INSL6: variants seen among roughly 807,000 people sequenced by gnomAD.
INSL6 encodes insulin like 6.
Under a neutral mutation model 9.4 loss-of-function variants are expected in INSL6, and 16 were observed. The ratio of observed to expected loss-of-function variants is 1.70; its 90% CI spans 1.15 to 2.59. The LOEUF (loss-of-function observed/expected upper bound fraction) is 2.59. Ranked by LOEUF, INSL6 falls within the 30% of genes most tolerant of loss-of-function variation. The pLI is 0.00. For missense variants in INSL6, 391 were observed against 257.3 expected, an observed-to-expected ratio of 1.52 and a Z score of -3.56; for synonymous variants, 154 against 96.9, an observed-to-expected ratio of 1.59 and a Z score of -3.46.
chr9:4,992,876 T>G, the INSL6 span, among the ~76,000 whole-genome samples: 1 of 152,228 alleles, frequency 6.6e-6, no homozygotes, highest in Non-Finnish European at 1.5e-5. Context: ...TGATTAGGTC[T>G]CAGTCCTGCT....
intron 1 of INSL6, among the ~76,000 whole-genome samples, chr9:5,173,208 G>C (rs924099124): frequency 6.6e-6 from 1 of 152,164 alleles, no homozygotes; most frequent in African/African-American, 2.4e-5. Context: ...AGACAGTGTG[G>C]TGATTCCTCA....
chr9:5,021,966 A>G, the INSL6 span: 4 of 1,565,308 alleles, frequency 2.6e-6, no homozygotes, highest in Non-Finnish European at 1.8e-6. Flanking sequence ...CTTACAGGCA[A>G]ATGTTCTGAA....
chr9:5,153,687 CAGAG>C (rs932064970), intron 2 of INSL6, among the ~76,000 whole-genome samples: 52 of 152,230 alleles, frequency 3.4e-4, no homozygotes, highest in African/African-American at 1.1e-3. Flanking sequence ...CAATAACAGA[CAGAG>C]AGCCAAATCA....
At chr9:5,114,367 C>G in the INSL6 span, 3 of 530,038 alleles carry the variant, frequency 5.7e-6, no homozygotes, top group Non-Finnish European at 1.1e-5. Flanking sequence ...TGCAATGGCA[C>G]GTTCACCATC....
chr9:5,121,573 G>C (rs1226786034), downstream of INSL6, among the ~76,000 whole-genome samples: 1 of 152,160 alleles, frequency 6.6e-6, no homozygotes, highest in East Asian at 1.9e-4. Context: ...CTTGATGACT[G>C]AATTCCCAAG....
At chr9:5,185,262 G>T (rs1462006467) in intron 1 of INSL6, 52 bp downstream of exon 1, 2 of 1,610,056 alleles carry the variant, frequency 1.2e-6, no homozygotes, top group East Asian at 4.5e-5. Flanking sequence ...GCAAATGCAG[G>T]AATAAGAAAT....
At chr9:5,024,695 T>C in the INSL6 span, among the ~76,000 whole-genome samples, 1 of 152,196 alleles carries the variant, frequency 6.6e-6, no homozygotes, top group African/African-American at 2.4e-5. Flanking sequence ...CTGCCCCAGA[T>C]AGCAACAGCT....
At chr9:5,004,856 T>G in the INSL6 span, among the ~76,000 whole-genome samples, 1 of 152,050 alleles carries the variant, frequency 6.6e-6, no homozygotes, top group Non-Finnish European at 1.5e-5. Context: ...CACTATGGTT[T>G]TAATTTGCAT....
intron 1 of INSL6, 50 bp downstream of exon 1, chr9:5,185,264 A>C: frequency 6.2e-7 from 1 of 1,610,402 alleles, no homozygotes. Context: ...AAATGCAGGA[A>C]TAAGAAATAT....
the INSL6 span, chr9:5,098,670 A>C: frequency 1.3e-5 from 2 of 152,120 alleles, no homozygotes; most frequent in Admixed American, 1.3e-4. Flanking sequence ...ATGAATATAT[A>C]GACTATGAAG....
At chr9:5,102,120 C>T in the INSL6 span, among the ~76,000 whole-genome samples, 4 of 152,086 alleles carry the variant, frequency 2.6e-5, no homozygotes, top group South Asian at 2.1e-4. Context: ...TCAAACCCAT[C>T]GCAAGGAAGC....
chr9:5,016,939 G>GAA, the INSL6 span, among the ~76,000 whole-genome samples: 1 of 152,016 alleles, frequency 6.6e-6, no homozygotes. Flanking sequence ...TCCTAGAATA[G>GAA]AAAAAAGACA....
chr9:5,111,369 G>A, the INSL6 span: 2 of 404,628 alleles, frequency 4.9e-6, no homozygotes, highest in Non-Finnish European at 4.8e-6. Flanking sequence ...CCCCTCCTAC[G>A]CCAGCAGCTC....
chr9:5,090,811 G>C, the INSL6 span: 5 of 1,613,386 alleles, frequency 3.1e-6, no homozygotes, highest in Non-Finnish European at 4.2e-6. Context: ...GGTGGAGAAC[G>C]AGAACAGAGT....
downstream of INSL6, among the ~76,000 whole-genome samples, chr9:5,122,334 T>C (rs1823681249): frequency 6.6e-6 from 1 of 152,132 alleles, no homozygotes; most frequent in East Asian, 1.9e-4. Flanking sequence ...CTGTGACTTT[T>C]TCCTTTCTGT....
At chr9:5,074,022 A>G in the INSL6 span, among the ~76,000 whole-genome samples, 1 of 152,196 alleles carries the variant, frequency 6.6e-6, no homozygotes, top group South Asian at 2.1e-4. Context: ...ATTATAGTAA[A>G]CAAATGTCTA....
At chr9:5,096,667 T>A in the INSL6 span, 4 of 152,320 alleles carry the variant, frequency 2.6e-5, no homozygotes, top group African/African-American at 9.6e-5. Context: ...TTTCCACTTA[T>A]GTTCATCAAT....
intron 2 of INSL6, among the ~76,000 whole-genome samples, chr9:5,135,423 C>G (rs571912160): frequency 2.0e-5 from 3 of 152,290 alleles, no homozygotes; most frequent in Admixed American, 6.5e-5. Context: ...ATAACAGTCT[C>G]TCATATCAGA....
the INSL6 span, among the ~76,000 whole-genome samples, chr9:5,067,711 GTATTA>G: frequency 1.3e-5 from 2 of 152,014 alleles, no homozygotes; most frequent in Admixed American, 1.3e-4. Flanking sequence ...TGAGAGCTAT[GTATTA>G]TAGAGTTTAT....
Sources: allele counts gnomAD v4.1 joint callset (sites outside exome capture counted in the v4.1 genomes callset), GRCh38; gene constraint gnomAD v4.1.1; transcripts MANE v1.5; gene names NCBI Gene and HGNC (gene_info 2026-07-23, HGNC 2026-07-21).